The following CEP83 variants were observed in gnomAD, a reference collection of about 807,000 sequenced individuals.
CEP83 encodes centrosomal protein of 83 kDa.
CEP83 carries 70 observed loss-of-function variants against 101.9 expected under a neutral mutation model. That is an observed-to-expected ratio of 0.69 (90% CI 0.57 to 0.84). The LOEUF is 0.84. Among genes scored for constraint, CEP83 ranks in the 40% least tolerant of loss-of-function variants. The pLI, the probability that CEP83 is intolerant of heterozygous loss-of-function variation, is 0.00. For synonymous variants in CEP83, 264 were observed against 267.9 expected, an observed-to-expected ratio of 0.99 and a Z score of 0.14; for missense variants, 715 against 787.2, an observed-to-expected ratio of 0.91 and a Z score of 1.10.
At chr12:94,386,460 G>C (rs181263947) in intron 6 of CEP83, among the ~76,000 whole-genome samples, 27 of 152,158 alleles carry the variant, frequency 1.8e-4, no homozygotes, top group African/African-American at 5.5e-4. Flanking sequence ...TCAAATTCTA[G>C]TTTCCTTGGC....
downstream of CEP83, among the ~76,000 whole-genome samples, chr12:94,301,583 G>C (rs550785015): frequency 6.6e-6 from 1 of 152,282 alleles, no homozygotes; most frequent in Admixed American, 6.5e-5. Context: ...ACAAAAATCA[G>C]AGCAAACTTC....
intron 1 of CEP83, 85 bp from the exon 2 acceptor site, chr12:94,435,412 A>G (rs2138264953): frequency 6.6e-6 from 1 of 152,240 alleles, no homozygotes; most frequent in East Asian, 1.9e-4. Context: ...GAGCATACCC[A>G]TTTGTCCTCT....
the CEP83 span, among the ~76,000 whole-genome samples, chr12:94,286,393 C>T: frequency 1.3e-5 from 2 of 152,130 alleles, no homozygotes; most frequent in Non-Finnish European, 2.9e-5. Context: ...TCCCCCACCA[C>T]CCTCAGCCAC....
chr12:94,288,132 T>C, the CEP83 span, among the ~76,000 whole-genome samples: 1 of 152,370 alleles, frequency 6.6e-6, no homozygotes, highest in Non-Finnish European at 1.5e-5. Flanking sequence ...CTGGGCCTGA[T>C]TGAGGAGAAA....
chr12:94,288,698 A>T, the CEP83 span, among the ~76,000 whole-genome samples: 1 of 152,168 alleles, frequency 6.6e-6, no homozygotes, highest in Non-Finnish European at 1.5e-5. Flanking sequence ...GAGAAACAAG[A>T]TTTTGTTTTC....
intron 2 of CEP83, 140 bp downstream of exon 2, chr12:94,435,135 C>T (rs2065899268): frequency 6.6e-6 from 1 of 152,186 alleles, no homozygotes; most frequent in South Asian, 2.1e-4. Flanking sequence ...TAGTTCCTAA[C>T]CTCTCTCTGC....
At chr12:94,327,983 A>G (rs1444046279) in intron 14 of CEP83, among the ~76,000 whole-genome samples, 2 of 152,210 alleles carry the variant, frequency 1.3e-5, no homozygotes, top group Non-Finnish European at 2.9e-5. Flanking sequence ...AAAGCCAAGG[A>G]GTAATCATGG....
chr12:94,392,242 A>C (rs2137407083), intron 6 of CEP83, among the ~76,000 whole-genome samples: 1 of 152,292 alleles, frequency 6.6e-6, no homozygotes, highest in East Asian at 1.9e-4. Flanking sequence ...AATTGAACTA[A>C]AGCACTCCTC....
At chr12:94,282,246 A>G in the CEP83 span, 3 of 1,234,556 alleles carry the variant, frequency 2.4e-6, no homozygotes, top group Non-Finnish European at 3.5e-6. Flanking sequence ...TGTGAAAGTA[A>G]AGTGGTGGCA....
chr12:94,412,283 A>G, intron 3 of CEP83, 35 bp downstream of exon 3: 1 of 1,546,182 alleles, frequency 6.5e-7, no homozygotes. Context: ...TAACTTTTTA[A>G]AACCAAACCC....
At chr12:94,273,204 C>T in the CEP83 span, among the ~76,000 whole-genome samples, 2 of 152,206 alleles carry the variant, frequency 1.3e-5, no homozygotes, top group African/African-American at 4.8e-5. Flanking sequence ...CTTATTATTA[C>T]AAATCTAGAA....
chr12:94,313,527 TAAA>T (rs58864740), intron 14 of CEP83, among the ~76,000 whole-genome samples: 48 of 95,700 alleles, frequency 5.0e-4, no homozygotes, highest in African/African-American at 1.3e-3. Flanking sequence ...AAGAACCCAT[TAAA>T]AAAAAAAAAA....
chr12:94,277,813 C>T, the CEP83 span: 1 of 387,724 alleles, frequency 2.6e-6, no homozygotes, highest in South Asian at 1.9e-5. Flanking sequence ...AGCAGCCTGG[C>T]CCCGTGCTAA....
intron 6 of CEP83, among the ~76,000 whole-genome samples, chr12:94,387,657 T>A (rs934487547): frequency 1.3e-5 from 2 of 152,080 alleles, no homozygotes; most frequent in African/African-American, 4.8e-5. Flanking sequence ...ACCCACAGAA[T>A]GGGAGAAAAT....
chr12:94,452,001 G>A (rs575193509), intron 1 of CEP83, among the ~76,000 whole-genome samples: 7 of 152,156 alleles, frequency 4.6e-5, no homozygotes, highest in East Asian at 3.9e-4. Flanking sequence ...AAATACACAC[G>A]AATACTATGC....
At chr12:94,357,865 C>T (rs2060556767) in intron 11 of CEP83, among the ~76,000 whole-genome samples, 1 of 152,196 alleles carries the variant, frequency 6.6e-6, no homozygotes, top group Non-Finnish European at 1.5e-5. Context: ...CATAGCACAG[C>T]TCCTGATTGT....
chr12:94,294,134 C>G, the CEP83 span, among the ~76,000 whole-genome samples: 2 of 151,936 alleles, frequency 1.3e-5, no homozygotes, highest in African/African-American at 4.8e-5. Flanking sequence ...CTGACCTCTG[C>G]GAATTGGGGG....
At chr12:94,431,755 T>C (rs944595797) in intron 2 of CEP83, among the ~76,000 whole-genome samples, 1 of 152,156 alleles carries the variant, frequency 6.6e-6, no homozygotes, top group Non-Finnish European at 1.5e-5. Flanking sequence ...TTATCCCAAT[T>C]AGAATGGCTA....
intron 15 of CEP83, 53 bp from the exon 16 acceptor site, chr12:94,310,160 C>T: frequency 1.3e-6 from 1 of 752,724 alleles, no homozygotes; most frequent in Non-Finnish European, 2.0e-6. Flanking sequence ...TATTGAAGCA[C>T]AGTATGATTC....
Sources: gnomAD v4.1 joint callset for allele counts (sites outside exome capture counted in the v4.1 genomes callset) on GRCh38, gnomAD v4.1.1 for gene constraint, MANE v1.5 for transcripts, NCBI Gene and HGNC (gene_info 2026-07-23, HGNC 2026-07-21) for gene names.